The following NEO1 variants were observed in gnomAD, a reference collection of about 807,000 sequenced individuals.
NEO1 encodes neogenin 1.
NEO1 carries 63 observed loss-of-function variants against 159.7 expected under a neutral mutation model. The ratio of observed to expected loss-of-function variants is 0.39; its 90% confidence interval spans 0.32 to 0.49. The LOEUF (loss-of-function observed/expected upper bound fraction) is 0.49, where lower values mean the gene tolerates loss of function less well. Among genes scored for constraint, NEO1 ranks in the 20% least tolerant of loss-of-function variants. NEO1 has a pLI of 0.85. For missense variants in NEO1, 1,615 were observed against 1,831.0 expected (o/e 0.88, Z 2.15); for synonymous variants, 633 against 662.0 (o/e 0.96, Z 0.67).
intron 8 of NEO1, among the ~76,000 whole-genome samples, chr15:73,238,899 A>G (rs981616547): frequency 2.6e-5 from 4 of 152,034 alleles, no homozygotes; most frequent in Non-Finnish European, 5.9e-5. Context: ...CCCAGGCTGG[A>G]GTGCAGTGGC....
At chr15:73,149,660 T>C (rs2033215584) in intron 5 of NEO1, among the ~76,000 whole-genome samples, 1 of 152,266 alleles carries the variant, frequency 6.6e-6, no homozygotes, top group Non-Finnish European at 1.5e-5. Flanking sequence ...TTTGAATTCT[T>C]AACATCACAT....
intron 1 of NEO1, 120 bp downstream of exon 1, chr15:73,052,925 C>T (rs1473752991): frequency 1.2e-5 from 2 of 164,640 alleles, no homozygotes; most frequent in Non-Finnish European, 2.6e-5. Context: ...TCTGCCTCGG[C>T]TCCGGTTGCC....
intron 1 of NEO1, among the ~76,000 whole-genome samples, chr15:73,060,344 A>G (rs1487619213): frequency 6.6e-6 from 1 of 151,658 alleles, no homozygotes; most frequent in African/African-American, 2.4e-5. Flanking sequence ...GCTCACTGCA[A>G]CCTCTGCCTC....
At chr15:73,198,062 A>G (rs12594776) in intron 7 of NEO1, among the ~76,000 whole-genome samples, 43,762 of 151,976 alleles carry the variant, frequency 0.29, 7,360 homozygotes, top group East Asian at 0.57. Flanking sequence ...TTTTAGGGTT[A>G]TCAACTGTAG....
chr15:73,177,649 C>T (rs534941455), intron 6 of NEO1, among the ~76,000 whole-genome samples: 3 of 152,228 alleles, frequency 2.0e-5, no homozygotes, highest in East Asian at 1.9e-4. Context: ...TGGGCTTAAG[C>T]GATCCTCCTG....
chr15:73,254,897 A>C, intron 13 of NEO1, 68 bp downstream of exon 13: 1 of 1,525,836 alleles, frequency 6.6e-7, no homozygotes, highest in South Asian at 1.3e-5. Context: ...ATGCTAGTCT[A>C]ATGACTGCTC....
In NEO1 at chr15:73,052,774, C is replaced by A; in HGVS notation, c.99C>A (p.Ala33=). 1 of 1,219,376 alleles carries A rather than the reference C, an allele frequency of 8.2e-7. No individual in the cohort carries two copies. Among genetic ancestry groups the A allele is most frequent in the Non-Finnish European group, 1.0e-6 (1 of 972,004 alleles). 75.5% of individuals were successfully genotyped at this position (1,219,376 alleles called of 1,614,324 possible). ...LLGRRAPGAA[A]ARSGSAPQSP... is the part of the protein sequence containing the mutation. ...GGCGCCGGGCGCCGGGCGCCGCGGC[C>A]GCCAGGAGCGGCTCCGCGCCGCAGT... The change falls in exon 1 of 29, where the codon GCC becomes GCA. Residue 33 remains alanine, a synonymous_variant. Transcript: ENST00000261908.
intron 16 of NEO1, among the ~76,000 whole-genome samples, chr15:73,268,200 G>A (rs2041004588): frequency 6.6e-6 from 1 of 152,026 alleles, no homozygotes; most frequent in Non-Finnish European, 1.5e-5. Flanking sequence ...AATAGCTTTA[G>A]TATTACAAAA....
At chr15:73,129,300 G>A (rs1380677427) in intron 4 of NEO1, among the ~76,000 whole-genome samples, 2 of 152,046 alleles carry the variant, frequency 1.3e-5, no homozygotes, top group East Asian at 3.8e-4. Flanking sequence ...ATGTAGATAG[G>A]CCTCAGCTAA....
rs541293354 is a variant in NEO1 at position 73,075,188 on chromosome 15, G to A, written c.130+22383G>A. Among the ~76,000 whole-genome samples, 320 of 152,234 alleles carry A rather than the reference G, an allele frequency of 2.1e-3. 2 individuals carry two copies. Among genetic ancestry groups the A allele is most frequent in the African/African-American group, 7.3e-3 (305 of 41,550 alleles). On this transcript the variant is annotated intron_variant, in intron 1 of 28. Coordinates refer to ENST00000261908, the MANE Select transcript of NEO1 (RefSeq NM_002499.4). ...TATGATATACAATTCCAGCCTTCTA[G>A]AAGTCCAAAGTTAAATAGAACGTCC...
chr15:73,169,932 G>T (rs1217818741), intron 5 of NEO1, among the ~76,000 whole-genome samples: 1 of 151,960 alleles, frequency 6.6e-6, no homozygotes, highest in Non-Finnish European at 1.5e-5. Context: ...TACCAGTAGG[G>T]TAAAGGAGGA....
chr15:73,290,371 G>A lies in NEO1; in HGVS notation c.3742+1133G>A, dbSNP rs185415177. On this transcript the variant is annotated intron_variant, in intron 25 of 28. Coordinates refer to ENST00000261908, the MANE Select transcript of NEO1 (RefSeq NM_002499.4). ...TTCTCCTGCCTCGGCCTCCCAAGCAGCTGGGATTACAGGTGCTCGCCACCA... is the reference window on the plus strand; with the variant it reads ...TTCTCCTGCCTCGGCCTCCCAAGCAACTGGGATTACAGGTGCTCGCCACCA... 4.8e-3 allele frequency among the ~76,000 whole-genome samples: 732 copies of A among 151,210 alleles called. 10 individuals carry two copies. Among genetic ancestry groups the A allele is most frequent in the East Asian group, 0.047 (240 of 5,102 alleles).
intron 5 of NEO1, among the ~76,000 whole-genome samples, chr15:73,136,938 C>T (rs551495165): frequency 1.3e-5 from 2 of 152,088 alleles, no homozygotes; most frequent in African/African-American, 2.4e-5. Flanking sequence ...AGTGCTGTTT[C>T]ACTCCTAAGA....
chr15:73,135,658 A>G (rs1481124502), intron 4 of NEO1, among the ~76,000 whole-genome samples: 1 of 152,210 alleles, frequency 6.6e-6, no homozygotes, highest in Non-Finnish European at 1.5e-5. Context: ...AGTGTCAGGG[A>G]TAATTCATTG....
intron 7 of NEO1, 111 bp from the exon 8 acceptor site, chr15:73,236,236 A>T: frequency 3.5e-6 from 5 of 1,408,766 alleles, no homozygotes; most frequent in Non-Finnish European, 3.9e-6. Context: ...TCTCTTTTTT[A>T]AAACCGTCGT....
intron 1 of NEO1, among the ~76,000 whole-genome samples, chr15:73,114,281 C>T (rs2151598286): frequency 6.6e-6 from 1 of 152,180 alleles, no homozygotes; most frequent in South Asian, 2.1e-4. Flanking sequence ...TGGAAATAGG[C>T]AGAAGCTAGA....
At chr15:73,226,493 CA>C (rs1413400530) in intron 7 of NEO1, among the ~76,000 whole-genome samples, 1 of 152,144 alleles carries the variant, frequency 6.6e-6, no homozygotes, top group Non-Finnish European at 1.5e-5. Context: ...GCTAGGTTAA[CA>C]AACAGAAGAG....
intron 7 of NEO1, among the ~76,000 whole-genome samples, chr15:73,180,198 T>G (rs1043158805): frequency 1.3e-5 from 2 of 152,164 alleles, no homozygotes; most frequent in African/African-American, 4.8e-5. Flanking sequence ...CCAGGAAGAA[T>G]TTCTCTGATG....
chr15:73,122,048 GGT>G lies in NEO1; in HGVS notation c.449-462_449-461del, dbSNP rs146333563. 7.1e-3 allele frequency among the ~76,000 whole-genome samples: 728 copies of G among 102,858 alleles called. 10 individuals carry two copies. The highest frequency in any genetic ancestry group is 0.022 in the African/African-American group (670 of 31,054). The allele number at this position is 102,858 out of a possible 152,430, so 67.5% of individuals were successfully genotyped here. ...TGGACAGGGCTAGGAAATATATAGG[GGT>G]GTGTGTGTGTGTGTATATATATATA... is the stretch of plus-strand genomic sequence containing the variant. On this transcript the variant is annotated intron_variant, in intron 2 of 28. Coordinates refer to ENST00000261908, the MANE Select transcript of NEO1 (RefSeq NM_002499.4).
Sources: allele counts gnomAD v4.1 joint callset (sites outside exome capture counted in the v4.1 genomes callset), GRCh38; gene constraint gnomAD v4.1.1; transcripts MANE v1.5; gene names NCBI Gene and HGNC (gene_info 2026-07-23, HGNC 2026-07-21).